Variants in CDK6 observed in about 807,000 individuals in gnomAD.
CDK6 encodes cyclin-dependent kinase 6.
Under a neutral mutation model 37.1 loss-of-function variants are expected in CDK6, and 6 were observed. That is an observed-to-expected ratio of 0.16 (90% CI 0.09 to 0.32). The LOEUF (loss-of-function observed/expected upper bound fraction) is 0.32. Among genes scored for constraint, CDK6 ranks in the 10% least tolerant of loss-of-function variants. The pLI, the probability that CDK6 is intolerant of heterozygous loss-of-function variation, is 1.00. For synonymous variants in CDK6, 160 were observed against 161.3 expected (o/e 0.99, Z 0.06); for missense variants, 224 against 418.9 (o/e 0.53, Z 4.06).
chr7:92,784,133 T>C (rs141038584), intron 2 of CDK6, among the ~76,000 whole-genome samples: 31 of 152,198 alleles, frequency 2.0e-4, no homozygotes, highest in African/African-American at 7.5e-4. Flanking sequence ...AAAATGCGAT[T>C]TGTTGTCTTG....
At chr7:92,704,482 T>C (rs754416271) in intron 4 of CDK6, among the ~76,000 whole-genome samples, 2 of 152,218 alleles carry the variant, frequency 1.3e-5, no homozygotes, top group Non-Finnish European at 2.9e-5. Flanking sequence ...AGGCAACCAC[T>C]ATCCTAAGTC....
In CDK6 at chr7:92,607,403, T is replaced by C. The variant is rs1231133535; in HGVS notation, c.*7737A>G. 3.4e-5 allele frequency: 8 copies of C among 233,032 alleles called. No homozygotes were observed. Among genetic ancestry groups the C allele is most frequent in the Non-Finnish European group, 5.9e-5 (7 of 118,012 alleles). 14.4% of individuals were successfully genotyped at this position (233,032 alleles called of 1,614,324 possible). ...TTTGCTATATTTTTGCACTCTACTA[T>C]ATGCATATTTAATAAAAACAACTAC... On this transcript the variant is annotated 3_prime_UTR_variant, in exon 8 of 8. Coordinates refer to ENST00000424848, the MANE Select transcript of CDK6 (RefSeq NM_001145306.2).
At chr7:92,635,063 G>A (rs1171588758) in intron 5 of CDK6, among the ~76,000 whole-genome samples, 1 of 152,166 alleles carries the variant, frequency 6.6e-6, no homozygotes, top group African/African-American at 2.4e-5. Context: ...TGCAGTAAGT[G>A]CTCAGAGGGA....
intron 3 of CDK6, among the ~76,000 whole-genome samples, chr7:92,762,233 CTTTCTTTTTGG>C (rs1453087892): frequency 6.6e-6 from 1 of 152,062 alleles, no homozygotes; most frequent in Non-Finnish European, 1.5e-5. Flanking sequence ...TAAAAAAGCA[CTTTCTTTTTGG>C]TTTATTTATG....
intron 5 of CDK6, among the ~76,000 whole-genome samples, chr7:92,640,303 T>C (rs1466745763): frequency 6.6e-6 from 1 of 152,192 alleles, no homozygotes; most frequent in Non-Finnish European, 1.5e-5. Context: ...AACAGTGATG[T>C]TCAATGCTAG....
intron 5 of CDK6, among the ~76,000 whole-genome samples, chr7:92,638,871 T>C (rs943473731): frequency 2.6e-5 from 4 of 152,222 alleles, no homozygotes; most frequent in African/African-American, 9.7e-5. Context: ...AGATCTAAGA[T>C]GTCACCAGTT....
chr7:92,753,391 TACCGA>T (rs1799233097), intron 3 of CDK6, among the ~76,000 whole-genome samples: 1 of 152,160 alleles, frequency 6.6e-6, no homozygotes, highest in Non-Finnish European at 1.5e-5. Context: ...AAATTATAAA[TACCGA>T]ATGAGGCAAA....
At chr7:92,725,381 A>G in intron 4 of CDK6, 1 of 929,098 alleles carries the variant, frequency 1.1e-6, no homozygotes, top group Non-Finnish European at 1.3e-6. Flanking sequence ...ATTCCTGTCC[A>G]GTGGCTAAGA....
At chr7:92,636,523 G>A (rs1796173757) in intron 5 of CDK6, among the ~76,000 whole-genome samples, 3 of 151,946 alleles carry the variant, frequency 2.0e-5, no homozygotes, top group Admixed American at 2.0e-4. Context: ...TCATATTTTT[G>A]ATTTTATAAC....
intron 3 of CDK6, among the ~76,000 whole-genome samples, chr7:92,729,726 G>T (rs1412112893): frequency 3.3e-5 from 5 of 152,146 alleles, no homozygotes; most frequent in Non-Finnish European, 7.4e-5. Flanking sequence ...ATGGGAAAAG[G>T]TTGATCATGG....
At chr7:92,763,882 G>T (rs1419297163) in intron 3 of CDK6, among the ~76,000 whole-genome samples, 2 of 152,142 alleles carry the variant, frequency 1.3e-5, no homozygotes, top group Non-Finnish European at 2.9e-5. Context: ...ACTCCCTCCT[G>T]AGACTATGTT....
chr7:92,737,841 G>C (rs1373784874), intron 3 of CDK6, among the ~76,000 whole-genome samples: 1 of 152,154 alleles, frequency 6.6e-6, no homozygotes, highest in East Asian at 1.9e-4. Flanking sequence ...TCTTTACAAG[G>C]GTTTTTATTA....
chr7:92,680,546 A>T (rs1027280240), intron 4 of CDK6, among the ~76,000 whole-genome samples: 1 of 151,978 alleles, frequency 6.6e-6, no homozygotes, highest in East Asian at 1.9e-4. Flanking sequence ...ATGTTTTGAC[A>T]TATGGCAAAA....
At chr7:92,813,707 CTG>C (rs1800948258) in intron 2 of CDK6, among the ~76,000 whole-genome samples, 1 of 152,182 alleles carries the variant, frequency 6.6e-6, no homozygotes, top group African/African-American at 2.4e-5. Flanking sequence ...ACTTCACAAA[CTG>C]TGAACAATGT....
chr7:92,806,989 G>T (rs1003142837), intron 2 of CDK6, among the ~76,000 whole-genome samples: 5 of 152,276 alleles, frequency 3.3e-5, no homozygotes, highest in African/African-American at 1.2e-4. Context: ...AACAATTTAA[G>T]ATAAGCCATA....
chr7:92,676,409 A>G (rs904105133), intron 4 of CDK6, among the ~76,000 whole-genome samples: 1 of 152,062 alleles, frequency 6.6e-6, no homozygotes, highest in Admixed American at 6.5e-5. Flanking sequence ...AAAATGATGT[A>G]TATACTTGGT....
chr7:92,663,245 C>T (rs531976233), intron 5 of CDK6, among the ~76,000 whole-genome samples: 1 of 152,060 alleles, frequency 6.6e-6, no homozygotes, highest in Non-Finnish European at 1.5e-5. Flanking sequence ...GTAAAGATCA[C>T]AGAACAGGCA....
At chr7:92,751,101 C>T (rs773972841) in intron 3 of CDK6, among the ~76,000 whole-genome samples, 3 of 152,070 alleles carry the variant, frequency 2.0e-5, no homozygotes, top group Middle Eastern at 3.2e-3. Flanking sequence ...TAGACAAATT[C>T]CTGGAGTGCT....
In CDK6 at chr7:92,607,054, G is replaced by C. The variant is rs1795445173; in HGVS notation, c.*8086C>G. The C allele has an allele frequency of 4.3e-6, 1 of 233,378 alleles. No homozygotes were observed. The highest frequency in any genetic ancestry group is 2.2e-5 in the African/African-American group (1 of 45,320). The allele number at this position is 233,378 out of a possible 1,614,324, so 14.5% of individuals were successfully genotyped here. ...TTTATTACCACACTGGATTGCTTCTGTACACAGCTAAGTTGCCTGAAGCAT... is the reference window on the plus strand; with the variant it reads ...TTTATTACCACACTGGATTGCTTCTCTACACAGCTAAGTTGCCTGAAGCAT... On this transcript the variant is annotated 3_prime_UTR_variant, in exon 8 of 8. Transcript: ENST00000424848.
Sources: gnomAD v4.1 joint callset for allele counts (sites outside exome capture counted in the v4.1 genomes callset) on GRCh38, gnomAD v4.1.1 for gene constraint, MANE v1.5 for transcripts, NCBI Gene and HGNC (gene_info 2026-07-23, HGNC 2026-07-21) for gene names.